The following ZDHHC11B variants were observed in gnomAD, a reference collection of about 807,000 sequenced individuals.
ZDHHC11B encodes probable palmitoyltransferase ZDHHC11B.
ZDHHC11B carries 17 observed loss-of-function variants against 42.3 expected under a neutral mutation model. The ratio of observed to expected loss-of-function variants is 0.40; its 90% CI spans 0.27 to 0.60. The LOEUF is 0.60. Ranked by LOEUF, ZDHHC11B falls within the 20% of genes least tolerant of loss-of-function variation. The pLI, the probability that ZDHHC11B is intolerant of heterozygous loss-of-function variation, is 0.41. For synonymous variants in ZDHHC11B, 123 were observed against 193.5 expected (o/e 0.64, Z 3.02); for missense variants, 262 against 463.2 (o/e 0.57, Z 3.99).
At chr5:754,186 CGTCTATGAG>C (rs1746201706) in intron 6 of ZDHHC11B, among the ~76,000 whole-genome samples, 1 of 91,438 alleles carries the variant, frequency 1.1e-5, no homozygotes, top group Admixed American at 1.2e-4. Context: ...AAACATCTCT[CGTCTATGAG>C]CCTCCACCAT....
At position 767,292 on chromosome 5, in the gene ZDHHC11B, G is replaced by A. The variant is rs1187361975; in HGVS notation, c.-1+100C>T. The stretch of plus-strand genomic sequence containing the variant: ...GCTGCCATCTGGACGGCTGCGGGAT[G>A]GCCCTCTCCCCACCCACACACATGT... On this transcript the variant is annotated intron_variant, in intron 3 of 13. Transcript: ENST00000508859. The A allele has an allele frequency of 1.5e-5, 20 of 1,342,330 alleles. No individual in the cohort carries two copies. In the Admixed American group the frequency reaches 1.5e-4, roughly 10 times the overall value. 83.2% of individuals were successfully genotyped at this position (1,342,330 alleles called of 1,614,324 possible).
chr5:772,607 G>A (rs1370332107), intron 1 of ZDHHC11B, among the ~76,000 whole-genome samples: 2 of 151,454 alleles, frequency 1.3e-5, no homozygotes, highest in Non-Finnish European at 3.0e-5. Flanking sequence ...CCGAGAAGAA[G>A]TAGTAGATGC....
chr5:757,920 G>A (rs395567), intron 4 of ZDHHC11B, among the ~76,000 whole-genome samples: 4 of 151,472 alleles, frequency 2.6e-5, no homozygotes, highest in African/African-American at 4.8e-5. Flanking sequence ...GCAGTGGCCA[G>A]TCTAATCCCA....
chr5:784,617 C>G (rs989800362), intron 1 of ZDHHC11B, among the ~76,000 whole-genome samples, 51 bp downstream of exon 1: 3 of 151,864 alleles, frequency 2.0e-5, no homozygotes, highest in African/African-American at 4.8e-5. Context: ...GTCTCCGCCC[C>G]CGGGTGCCCC....
intron 10 of ZDHHC11B, among the ~76,000 whole-genome samples, chr5:737,902 T>C (rs1405440434): frequency 3.7e-5 from 5 of 135,586 alleles, no homozygotes; most frequent in African/African-American, 1.1e-4. Flanking sequence ...AAGACAAGGA[T>C]GCCCACTTTC....
At chr5:762,731 A>C (rs1262532342) in intron 4 of ZDHHC11B, among the ~76,000 whole-genome samples, 1 of 151,850 alleles carries the variant, frequency 6.6e-6, no homozygotes, top group Non-Finnish European at 1.5e-5. Context: ...TCAATGACCT[A>C]AGTTTCCGTC....
chr5:776,109 G>A (rs1373328348), intron 1 of ZDHHC11B, among the ~76,000 whole-genome samples: 2 of 150,400 alleles, frequency 1.3e-5, no homozygotes, highest in South Asian at 2.1e-4. Context: ...CTCCACCCCA[G>A]GCTGGCTGCC....
Position 713,507 on chromosome 5 carries a change from T to C in ZDHHC11B, c.*8-1225A>G, listed in dbSNP as rs571446116. 7.9e-5 allele frequency among the ~76,000 whole-genome samples: 12 copies of C among 152,218 alleles called. No individual in the cohort carries two copies. In the East Asian group the frequency reaches 2.3e-3, roughly 29 times the overall value. On this transcript the variant is annotated intron_variant, in intron 13 of 13. Transcript: ENST00000508859. ...TGCTTTATTTTCACATGTGGTGGGT[T>C]GTTTTTCATTGAGAATTGCTTCTTT...
At chr5:741,816 C>T (rs1422462806) in intron 9 of ZDHHC11B, among the ~76,000 whole-genome samples, 188 bp from the exon 10 acceptor site, 1 of 144,324 alleles carries the variant, frequency 6.9e-6, no homozygotes. Context: ...TGGTGAGAAA[C>T]TGGGAGTGGG....
At chr5:775,501 G>A (rs1736401317) in intron 1 of ZDHHC11B, among the ~76,000 whole-genome samples, 1 of 151,962 alleles carries the variant, frequency 6.6e-6, no homozygotes, top group South Asian at 2.1e-4. Context: ...AAGGGACCAG[G>A]CTGGGAACAT....
chr5:775,740 C>T (rs1193930288), intron 1 of ZDHHC11B, among the ~76,000 whole-genome samples: 2 of 151,796 alleles, frequency 1.3e-5, no homozygotes, highest in Non-Finnish European at 2.9e-5. Context: ...CTGCAGGATG[C>T]CCCTGGCAGG....
intron 4 of ZDHHC11B, among the ~76,000 whole-genome samples, chr5:760,604 G>A (rs998771696): frequency 6.6e-6 from 1 of 151,850 alleles, no homozygotes; most frequent in Admixed American, 6.6e-5. Context: ...TGGTGATGCT[G>A]AGGGAGAGAG....
intron 4 of ZDHHC11B, among the ~76,000 whole-genome samples, chr5:765,727 C>G (rs1444988189): frequency 2.0e-4 from 31 of 151,920 alleles, no homozygotes; most frequent in African/African-American, 7.0e-4. Flanking sequence ...AGGTCTGCAG[C>G]TTCATTCCTG....
At chr5:755,510 C>G (rs1733691241) in intron 5 of ZDHHC11B, among the ~76,000 whole-genome samples, 1 of 148,678 alleles carries the variant, frequency 6.7e-6, no homozygotes, top group Admixed American at 6.7e-5. Flanking sequence ...TAGCCACCCC[C>G]TAGGCCATCA....
chr5:730,392 G>A (rs765089579), intron 12 of ZDHHC11B, 42 bp downstream of exon 12: 1 of 1,570,352 alleles, frequency 6.4e-7, no homozygotes. Flanking sequence ...TCAGGCAAGT[G>A]TACAGACAGA....
chr5:713,197 T>G (rs149977081), intron 13 of ZDHHC11B, among the ~76,000 whole-genome samples: 131 of 151,954 alleles, frequency 8.6e-4, no homozygotes, highest in Middle Eastern at 3.4e-3. Context: ...TGTCACTTTG[T>G]ATCTATTTCA....
intron 4 of ZDHHC11B, 52 bp downstream of exon 4, chr5:766,646 G>C: frequency 6.5e-7 from 1 of 1,533,974 alleles, no homozygotes; most frequent in Non-Finnish European, 8.9e-7. Context: ...GTCCATCGCA[G>C]GGTCCTCCAG....
At chr5:752,564 C>T (rs1403195433) in intron 6 of ZDHHC11B, among the ~76,000 whole-genome samples, 2 of 90,830 alleles carry the variant, frequency 2.2e-5, no homozygotes, top group African/African-American at 6.1e-5. Context: ...TGTTTAAATC[C>T]CTTTTTCTAT....
Position 747,754 on chromosome 5 carries a change from C to T in ZDHHC11B, c.784+650G>A, listed in dbSNP as rs867625875. The stretch of plus-strand genomic sequence containing the variant: ...GAAACCCCCTGAGAGGCCACAGCCT[C>T]GGGGCCACCACTGCCCAGAGAATGG... On this transcript the variant is annotated intron_variant, in intron 8 of 13. Transcript: ENST00000508859. The T allele has an allele frequency of 1.1e-3, 188 of 177,356 alleles. 2 individuals are homozygous for T. The highest frequency in any genetic ancestry group is 4.1e-3 in the African/African-American group (169 of 41,658). 11.0% of individuals were successfully genotyped at this position (177,356 alleles called of 1,614,324 possible).
Sources: allele counts gnomAD v4.1 joint callset (sites outside exome capture counted in the v4.1 genomes callset), GRCh38; gene constraint gnomAD v4.1.1; transcripts MANE v1.5; gene names NCBI Gene and HGNC (gene_info 2026-07-23, HGNC 2026-07-21).